UVRAG: variants seen among roughly 807,000 people sequenced by gnomAD.
The protein encoded by UVRAG is UV radiation resistance associated.
A neutral mutation model predicts 78.0 loss-of-function variants in UVRAG; 19 were observed. That is an observed-to-expected ratio of 0.24 (90% CI 0.17 to 0.36). UVRAG has a LOEUF of 0.36. Ranked by LOEUF, UVRAG falls within the 10% of genes least tolerant of loss-of-function variation. The pLI is 1.00. For synonymous variants in UVRAG, 323 were observed against 324.6 expected, an observed-to-expected ratio of 1.00 and a Z score of 0.05; for missense variants, 740 against 853.8, an observed-to-expected ratio of 0.87 and a Z score of 1.66.
intron 8 of UVRAG, among the ~76,000 whole-genome samples, chr11:76,003,441 G>A (rs935547290): frequency 3.1e-4 from 47 of 151,496 alleles, no homozygotes; most frequent in Admixed American, 6.6e-4. Flanking sequence ...GGCTGGTCTC[G>A]AACTCCTGAC....
chr11:75,874,990 T>C (rs994027704), intron 3 of UVRAG, among the ~76,000 whole-genome samples: 9 of 152,190 alleles, frequency 5.9e-5, no homozygotes, highest in African/African-American at 2.2e-4. Flanking sequence ...CCCATCCACG[T>C]TTCTAGTGAT....
In UVRAG at chr11:76,143,119, G is replaced by T. The variant is rs1952752305; in HGVS notation, c.*1706G>T. The T allele has an allele frequency of 6.6e-6, 1 of 152,246 alleles. No individual in the cohort carries two copies. Among genetic ancestry groups the T allele is most frequent in the African/African-American group, 2.4e-5 (1 of 41,444 alleles). The allele number at this position is 152,246 out of a possible 1,614,324, so 9.4% of individuals were successfully genotyped here. On this transcript the variant is annotated 3_prime_UTR_variant, in exon 15 of 15. Coordinates refer to ENST00000356136, the MANE Select transcript of UVRAG (RefSeq NM_003369.4). ...CTGTCGCTCATTTTGGAGTCAGTGT[G>T]GGTGGAGACAGCATCGTGGATATGC...
intron 8 of UVRAG, among the ~76,000 whole-genome samples, chr11:76,003,590 T>G (rs1216074866): frequency 6.6e-6 from 1 of 152,180 alleles, no homozygotes; most frequent in Non-Finnish European, 1.5e-5. Context: ...TATATTTTAG[T>G]AGTCAAAATA....
At chr11:75,931,016 G>T (rs1948229542) in intron 6 of UVRAG, 1 of 114,208 alleles carries the variant, frequency 8.8e-6, no homozygotes, top group African/African-American at 3.2e-5. Context: ...ACCTTTCCTG[G>T]GTATTCATCA....
At chr11:75,882,473 A>T (rs1946972219) in intron 4 of UVRAG, among the ~76,000 whole-genome samples, 1 of 151,970 alleles carries the variant, frequency 6.6e-6, no homozygotes, top group Non-Finnish European at 1.5e-5. Flanking sequence ...AGATGGCGCC[A>T]CTGCACTCCA....
chr11:76,139,992 A>T (rs1365709070), intron 14 of UVRAG, among the ~76,000 whole-genome samples: 1 of 148,368 alleles, frequency 6.7e-6, no homozygotes, highest in East Asian at 2.0e-4. Flanking sequence ...TTTTCATTTT[A>T]AAAAAAAAAA....
At chr11:75,950,791 T>C (rs1235240307) in intron 6 of UVRAG, among the ~76,000 whole-genome samples, 1 of 152,202 alleles carries the variant, frequency 6.6e-6, no homozygotes, top group Non-Finnish European at 1.5e-5. Flanking sequence ...TTTACTTTTA[T>C]AATGACTAAA....
At chr11:75,856,224 C>T (rs941843154) in intron 2 of UVRAG, among the ~76,000 whole-genome samples, 1 of 152,050 alleles carries the variant, frequency 6.6e-6, no homozygotes, top group Non-Finnish European at 1.5e-5. Context: ...AGGATAGTCT[C>T]GATCTCCTGA....
intron 12 of UVRAG, among the ~76,000 whole-genome samples, chr11:76,028,220 A>G (rs1950365501): frequency 6.6e-6 from 1 of 152,132 alleles, no homozygotes; most frequent in Non-Finnish European, 1.5e-5. Context: ...CCAATATAAG[A>G]TGGCAGACTT....
chr11:75,955,762 T>A (rs1408443036), intron 6 of UVRAG, among the ~76,000 whole-genome samples: 3 of 152,108 alleles, frequency 2.0e-5, no homozygotes, highest in Non-Finnish European at 4.4e-5. Flanking sequence ...AGTTGCACGC[T>A]CCTGTAGTCC....
intron 2 of UVRAG, among the ~76,000 whole-genome samples, chr11:75,852,778 A>G (rs1226100782): frequency 6.6e-6 from 1 of 152,200 alleles, no homozygotes; most frequent in Non-Finnish European, 1.5e-5. Context: ...TTTTATGAGG[A>G]TCATAAAAAT....
intron 1 of UVRAG, among the ~76,000 whole-genome samples, chr11:75,843,657 T>G (rs576800096): frequency 6.6e-6 from 1 of 152,132 alleles, no homozygotes; most frequent in Admixed American, 6.5e-5. Flanking sequence ...TCAGGGCCAG[T>G]AGGGGCAAAA....
rs143327438 is a variant in UVRAG, at chr11:76,141,159, G to A, written c.1846G>A (p.Glu616Lys). 3.2e-5 allele frequency: 52 copies of A among 1,614,154 alleles called. No individual in the cohort carries two copies. In the East Asian group the frequency reaches 7.6e-4, roughly 24 times the overall value. Reference sequence around the variant, plus strand: ...GTCCGCCAGTGTCCAGCTTCCAGGCGAGTTCCACCCAGTCTCAGAAGCTGA... The same window carrying A: ...GTCCGCCAGTGTCCAGCTTCCAGGCAAGTTCCACCCAGTCTCAGAAGCTGA... ...AGSASVQLPGEFHPVSEAELC... is the reference protein window; with the variant it reads ...AGSASVQLPGKFHPVSEAELC... Residue 616 changes from glutamate (E) to lysine (K), a missense_variant, in exon 15 of 15, where the codon GAG becomes AAG. Glu to Lys is a moderately conservative substitution (Grantham distance 56). Transcript: ENST00000356136.
intron 7 of UVRAG, among the ~76,000 whole-genome samples, chr11:75,969,486 C>G (rs1220803115): frequency 6.6e-6 from 1 of 152,076 alleles, no homozygotes; most frequent in Non-Finnish European, 1.5e-5. Context: ...GCTTTTATCT[C>G]CAGTAGACCT....
intron 6 of UVRAG, among the ~76,000 whole-genome samples, chr11:75,929,027 T>C (rs972864086): frequency 6.6e-6 from 1 of 150,708 alleles, no homozygotes; most frequent in South Asian, 2.1e-4. Context: ...GCAGTTTTGA[T>C]GTGTGGTGAA....
At chr11:75,962,108 T>C (rs946449892) in intron 7 of UVRAG, among the ~76,000 whole-genome samples, 1 of 152,148 alleles carries the variant, frequency 6.6e-6, no homozygotes, top group Non-Finnish European at 1.5e-5. Context: ...TGTGTTTTTC[T>C]AAGCACAATA....
intron 4 of UVRAG, among the ~76,000 whole-genome samples, chr11:75,883,474 G>T (rs1947000227): frequency 6.6e-6 from 1 of 150,380 alleles, no homozygotes; most frequent in Non-Finnish European, 1.5e-5. Flanking sequence ...CTATAAAATA[G>T]CTATAACAAG....
intron 13 of UVRAG, among the ~76,000 whole-genome samples, chr11:76,110,584 T>C (rs1163720096): frequency 6.6e-6 from 1 of 151,996 alleles, no homozygotes; most frequent in African/African-American, 2.4e-5. Context: ...AAAGAACAAA[T>C]GGAAAAGTGC....
chr11:76,094,492 C>CT (rs1270287816), intron 13 of UVRAG, among the ~76,000 whole-genome samples: 1 of 152,022 alleles, frequency 6.6e-6, no homozygotes, highest in African/African-American at 2.4e-5. Context: ...TGGTCCTGGA[C>CT]TTTTTTTGGT....
Sources: allele counts gnomAD v4.1 joint callset (sites outside exome capture counted in the v4.1 genomes callset), GRCh38; gene constraint gnomAD v4.1.1; transcripts MANE v1.5; gene names NCBI Gene and HGNC (gene_info 2026-07-23, HGNC 2026-07-21).